Variants in TULP4 observed in about 807,000 individuals in gnomAD.
TULP4 encodes the protein TUB like protein 4.
A neutral mutation model predicts 129.0 loss-of-function variants in TULP4; 16 were observed. That is an observed-to-expected ratio of 0.12 (90% CI 0.08 to 0.19). TULP4 has a LOEUF of 0.19. Among genes scored for constraint, TULP4 ranks in the 10% least tolerant of loss-of-function variants. TULP4 has a pLI of 1.00. For synonymous variants in TULP4, 998 were observed against 854.0 expected, an observed-to-expected ratio of 1.17 and a Z score of -2.94; for missense variants, 1,842 against 2,059.1, an observed-to-expected ratio of 0.89 and a Z score of 2.04.
At chr6:158,234,968 A>T (rs1435976358) in intron 1 of TULP4, among the ~76,000 whole-genome samples, 1 of 152,128 alleles carries the variant, frequency 6.6e-6, no homozygotes, top group African/African-American at 2.4e-5. Flanking sequence ...GGAGTTCGAG[A>T]CCAGCCTGGC....
chr6:158,318,213 A>T (rs1374383477), intron 1 of TULP4, among the ~76,000 whole-genome samples: 1 of 152,162 alleles, frequency 6.6e-6, no homozygotes, highest in East Asian at 1.9e-4. Flanking sequence ...TAATCCCAGC[A>T]CTTTGGGAAG....
rs548341390 is a variant in TULP4 at position 158,382,284 on chromosome 6, C to G, written c.253-30781C>G. Reference sequence around the variant, plus strand: ...TTTGTTTTGGGCTTTATCCAGGGTCCCTGTGCCTGCTGACATCATCCTTTA... The same window carrying G: ...TTTGTTTTGGGCTTTATCCAGGGTCGCTGTGCCTGCTGACATCATCCTTTA... On this transcript the variant is annotated intron_variant, in intron 1 of 13. Transcript: ENST00000367097. Among the ~76,000 whole-genome samples, 15 of 152,208 alleles carry G rather than the reference C, an allele frequency of 9.9e-5. No homozygotes were observed. In the South Asian group the frequency reaches 2.7e-3, roughly 27 times the overall value.
chr6:158,434,925 T>A (rs1181183102), intron 3 of TULP4, among the ~76,000 whole-genome samples: 1 of 152,168 alleles, frequency 6.6e-6, no homozygotes, highest in Non-Finnish European at 1.5e-5. Context: ...ATACATGAAA[T>A]GGCATGGGAA....
chr6:158,263,175 A>G (rs1235883918), intron 1 of TULP4, among the ~76,000 whole-genome samples: 1 of 152,214 alleles, frequency 6.6e-6, no homozygotes, highest in Admixed American at 6.5e-5. Context: ...TCAGCAGCTT[A>G]GCATTTTTGG....
intron 1 of TULP4, among the ~76,000 whole-genome samples, chr6:158,384,024 A>G (rs1251046361): frequency 6.6e-6 from 1 of 152,162 alleles, no homozygotes; most frequent in Non-Finnish European, 1.5e-5. Context: ...TGGCTAGAGG[A>G]GGTGAATCTA....
At chr6:158,400,230 A>G (rs946626817) in intron 1 of TULP4, among the ~76,000 whole-genome samples, 5 of 152,230 alleles carry the variant, frequency 3.3e-5, no homozygotes, top group Non-Finnish European at 7.3e-5. Context: ...ATACATTGGC[A>G]TGATTTATAG....
At chr6:158,342,767 C>T (rs565501529) in intron 1 of TULP4, among the ~76,000 whole-genome samples, 146 of 152,298 alleles carry the variant, frequency 9.6e-4, no homozygotes, top group Non-Finnish European at 1.7e-3. Flanking sequence ...TAATCTTCAA[C>T]ATGGCCCCTT....
rs569986042 is a variant in TULP4, at chr6:158,464,633, T to C, written c.1026+2904T>C. Among the ~76,000 whole-genome samples the C allele has an allele frequency of 2.0e-5, 3 of 152,266 alleles. No homozygotes were observed. The South Asian group carries it at 6.2e-4, about 32-fold the overall frequency. On this transcript the variant is annotated intron_variant, in intron 6 of 13. Coordinates refer to ENST00000367097, the MANE Select transcript of TULP4 (RefSeq NM_020245.5). ...CCAGGCTGGTCTCCAACTCCTGACCTTGTGATCCGCCCTCCTCGGCCTCCT... is the reference window on the plus strand; with the variant it reads ...CCAGGCTGGTCTCCAACTCCTGACCCTGTGATCCGCCCTCCTCGGCCTCCT...
At position 158,451,166 on chromosome 6, in the gene TULP4, A is replaced by T. The variant is rs569397191; in HGVS notation, c.725-968A>T. Among the ~76,000 whole-genome samples, 28 of 152,280 alleles carry T rather than the reference A, an allele frequency of 1.8e-4. No homozygotes were observed. The South Asian group carries it at 5.6e-3, about 30-fold the overall frequency. On this transcript the variant is annotated intron_variant, in intron 4 of 13. Transcript: ENST00000367097. ...AAGTCCAGAGTAAATCCAAGAACAG[A>T]ATTCAGTCCCTGGTTGCTCCTCCAG...
chr6:158,373,726 A>AT (rs1777121530), intron 1 of TULP4, among the ~76,000 whole-genome samples: 1 of 152,228 alleles, frequency 6.6e-6, no homozygotes, highest in Non-Finnish European at 1.5e-5. Flanking sequence ...GAACTTATTT[A>AT]TAATACTCAT....
chr6:158,251,603 A>T lies in TULP4; in HGVS notation n.68+19300A>T, dbSNP rs187449056. ...TGGCTCTAATGTAAACTGCTGAGTTATGAGTAACTGTATTTTATTTTAAAA... is the reference window on the plus strand; with the variant it reads ...TGGCTCTAATGTAAACTGCTGAGTTTTGAGTAACTGTATTTTATTTTAAAA... On this transcript the variant is annotated intron_variant and non_coding_transcript_variant, in intron 1 of 1. Transcript: ENST00000620026. 3.3e-5 allele frequency among the ~76,000 whole-genome samples: 5 copies of T among 152,368 alleles called. No individual in the cohort carries two copies. In the East Asian group the frequency reaches 7.7e-4, roughly 23 times the overall value.
chr6:158,252,823 G>A (rs80100285), intron 1 of TULP4, among the ~76,000 whole-genome samples: 4,804 of 152,130 alleles, frequency 0.032, 97 homozygotes, highest in Non-Finnish European at 0.04. Flanking sequence ...AGAGCAGCCC[G>A]GTTTTTTCAC....
At chr6:158,424,060 A>G (rs904039351) in intron 2 of TULP4, among the ~76,000 whole-genome samples, 1 of 152,234 alleles carries the variant, frequency 6.6e-6, no homozygotes, top group African/African-American at 2.4e-5. Context: ...GAGAAATTTT[A>G]TGACAGTAAG....
intron 1 of TULP4, 137 bp from the exon 2 acceptor site, chr6:158,412,928 C>G: frequency 7.9e-7 from 1 of 1,261,892 alleles, no homozygotes; most frequent in Non-Finnish European, 1.1e-6. Context: ...GTTCCCTGCC[C>G]TGATCCCTGC....
Position 158,502,519 on chromosome 6 carries a change from C to A in TULP4, c.2856C>A (p.Ser952=). 2 of 1,611,936 alleles carry A rather than the reference C, an allele frequency of 1.2e-6. No homozygotes were observed. The highest frequency in any genetic ancestry group is 1.7e-6 in the Non-Finnish European group (2 of 1,179,928). Residue 952 remains serine, a synonymous_variant, in exon 13 of 14, where the codon TCC becomes TCA. Transcript: ENST00000367097. ...TLNRLTVPRY[S]IPTGDPPPYP... ...ACCGCCTGACCGTCCCTCGCTACTC[C>A]ATCCCCACCGGGGACCCACCCCCGT...
At chr6:158,406,211 TGTG>T (rs1364541002) in intron 1 of TULP4, among the ~76,000 whole-genome samples, 1 of 152,188 alleles carries the variant, frequency 6.6e-6, no homozygotes, top group Non-Finnish European at 1.5e-5. Context: ...GAACTTGCTT[TGTG>T]ACCTTAGGAA....
chr6:158,493,838 C>A lies in TULP4; in HGVS notation c.1776+121C>A. ...CCATGGGTCCCTGAGCTCTGCTCCA[C>A]ATCCTGCACACCACCTACTACCTCA... On this transcript the variant is annotated intron_variant, in intron 10 of 13. Transcript: ENST00000367097. The surrounding 1 kb of genome is among the most constrained non-coding windows in gnomAD (Gnocchi z 4.4). 2 of 1,121,286 alleles carry A rather than the reference C, an allele frequency of 1.8e-6. No individual in the cohort carries two copies. Among genetic ancestry groups the A allele is most frequent in the South Asian group, 1.9e-5 (1 of 53,184 alleles). 69.5% of individuals were successfully genotyped at this position (1,121,286 alleles called of 1,614,324 possible).
rs113573096 is a variant in TULP4, at chr6:158,354,903, AC to A, written c.252+40637del. Among the ~76,000 whole-genome samples the A allele has an allele frequency of 8.0e-5, 12 of 150,626 alleles. 3 individuals carry two copies. Among genetic ancestry groups the A allele is most frequent in the Non-Finnish European group, 1.2e-4 (8 of 67,600 alleles). On this transcript the variant is annotated intron_variant, in intron 1 of 13. Transcript: ENST00000367097. The stretch of plus-strand genomic sequence containing the variant: ...ACCCCATCTCAAAAAAAAAAAAAAA[AC>A]CAGAAAGCCCTCAAGATGCTCATTT...
intron 1 of TULP4, among the ~76,000 whole-genome samples, chr6:158,385,597 C>T (rs1359213012): frequency 6.6e-6 from 1 of 150,828 alleles, no homozygotes; most frequent in Non-Finnish European, 1.5e-5. Context: ...GCAGTATGTA[C>T]ATATGTACAC....
Sources: gnomAD v4.1 joint callset for allele counts (sites outside exome capture counted in the v4.1 genomes callset) on GRCh38, gnomAD v4.1.1 for gene constraint, Gnocchi (gnomAD v3.1) non-coding constraint, MANE v1.5 for transcripts, NCBI Gene and HGNC (gene_info 2026-07-23, HGNC 2026-07-21) for gene names.